SNPH: variants seen among roughly 807,000 people sequenced by gnomAD.
SNPH encodes the protein syntaphilin.
Under a neutral mutation model 36.8 loss-of-function variants are expected in SNPH, and 10 were observed. The ratio of observed to expected loss-of-function variants is 0.27; its 90% CI spans 0.17 to 0.46. SNPH has a LOEUF of 0.46. Among genes scored for constraint, SNPH ranks in the 20% least tolerant of loss-of-function variants. The pLI is 1.00. For synonymous variants in SNPH, 281 were observed against 312.2 expected, an observed-to-expected ratio of 0.90 and a Z score of 1.05; for missense variants, 622 against 744.0, an observed-to-expected ratio of 0.84 and a Z score of 1.91.
Position 1,266,408 on chromosome 20 carries a change from G to A in SNPH, c.-600+11G>A. ...TGGAAGCCTCCGCAGGTGATGACAA[G>A]GACCCCGGGGATCTCCGGGCCCACC... is the stretch of plus-strand genomic sequence containing the variant. On this transcript the variant is annotated intron_variant, in intron 1 of 6. Transcript: ENST00000381867. This position sits in a 1 kb window ranked among gnomAD's most constrained non-coding sequence, Gnocchi z 6.0. The A allele has an allele frequency of 2.2e-6, 1 of 444,588 alleles. No homozygotes were observed. 27.5% of individuals were successfully genotyped at this position (444,588 alleles called of 1,614,324 possible).
chr20:1,292,217 T>C (rs946405682), intron 2 of SNPH, among the ~76,000 whole-genome samples: 2 of 152,172 alleles, frequency 1.3e-5, no homozygotes, highest in African/African-American at 4.8e-5. Flanking sequence ...GAGAAGTCAC[T>C]GGTGGAAAGG....
chr20:1,297,792 A>G (rs1395617465), intron 5 of SNPH, among the ~76,000 whole-genome samples: 1 of 152,344 alleles, frequency 6.6e-6, no homozygotes, highest in Admixed American at 6.5e-5. Flanking sequence ...TGTCTTCCCC[A>G]CAACAGTACC....
At chr20:1,274,348 T>C (rs1030528334) in intron 2 of SNPH, among the ~76,000 whole-genome samples, 1 of 150,648 alleles carries the variant, frequency 6.6e-6, no homozygotes, top group Non-Finnish European at 1.5e-5. Flanking sequence ...GTTCAAGGGA[T>C]GAAAGGGAGA....
At chr20:1,277,831 CTG>C (rs1178998068) in intron 2 of SNPH, among the ~76,000 whole-genome samples, 4 of 110,562 alleles carry the variant, frequency 3.6e-5, no homozygotes, top group African/African-American at 1.1e-4. Flanking sequence ...GTCTGTGTAT[CTG>C]TGTGTGTCAG....
At chr20:1,297,420 T>A (rs1453711070) in intron 5 of SNPH, among the ~76,000 whole-genome samples, 168 bp downstream of exon 5, 1 of 152,250 alleles carries the variant, frequency 6.6e-6, no homozygotes, top group Non-Finnish European at 1.5e-5. Flanking sequence ...CCTCAGTTCC[T>A]GTCTGTAAGA....
In SNPH at chr20:1,302,780, G is replaced by A; in HGVS notation, c.440+2069G>A. Among the ~76,000 whole-genome samples the A allele has an allele frequency of 1.3e-5, 2 of 152,246 alleles. 1 individual carries two copies. The highest frequency in any genetic ancestry group is 2.9e-5 in the Non-Finnish European group (2 of 68,044). ...ACAGCTCTGCCAAGCAGCCAATCCG[G>A]TTTGGATTTGTTGTGGTTTTAAACT... On this transcript the variant is annotated intron_variant, in intron 6 of 6. Coordinates refer to ENST00000381867, the MANE Select transcript of SNPH (RefSeq NM_001318234.2).
At chr20:1,281,101 G>T (rs540530968) in intron 2 of SNPH, among the ~76,000 whole-genome samples, 1 of 152,158 alleles carries the variant, frequency 6.6e-6, no homozygotes, top group Non-Finnish European at 1.5e-5. Context: ...AGTAGGCAGC[G>T]AAGCTAACCC....
chr20:1,277,411 C>T (rs921344622), intron 2 of SNPH, among the ~76,000 whole-genome samples: 2 of 150,492 alleles, frequency 1.3e-5, no homozygotes, highest in African/African-American at 4.9e-5. Context: ...GTGTGTATGT[C>T]TGTGTCTGTG....
At chr20:1,296,875 T>C (rs2088442441) in intron 4 of SNPH, among the ~76,000 whole-genome samples, 1 of 152,212 alleles carries the variant, frequency 6.6e-6, no homozygotes. Flanking sequence ...GATAAGAGCA[T>C]ATGAGGCCCC....
chr20:1,276,204 G>A lies in SNPH; in HGVS notation c.-493+9444G>A, dbSNP rs561149300. ...ACTGTCTGTGGCTTCCTTCTGGAGA[G>A]CCCCTTCCCCCTCCACAGGAGGGGG... is the stretch of plus-strand genomic sequence containing the variant. On this transcript the variant is annotated intron_variant, in intron 2 of 6. Transcript: ENST00000381867. The surrounding 1 kb of genome is among the most constrained non-coding windows in gnomAD (Gnocchi z 4.6). Among the ~76,000 whole-genome samples the A allele has an allele frequency of 6.6e-6, 1 of 151,990 alleles. No individual in the cohort carries two copies. The highest frequency in any genetic ancestry group is 1.5e-5 in the Non-Finnish European group (1 of 67,960).
At chr20:1,299,483 G>A (rs1292207005) in intron 5 of SNPH, among the ~76,000 whole-genome samples, 1 of 152,248 alleles carries the variant, frequency 6.6e-6, no homozygotes, top group Admixed American at 6.5e-5. Flanking sequence ...GCCATAGTCT[G>A]TTGTGGAATT....
chr20:1,279,104 T>C (rs187596145), intron 2 of SNPH, among the ~76,000 whole-genome samples: 2 of 152,364 alleles, frequency 1.3e-5, no homozygotes, highest in East Asian at 3.9e-4. Context: ...AATGGTTGTA[T>C]CATTTGGTAA....
chr20:1,296,454 C>A, intron 4 of SNPH, 33 bp downstream of exon 4: 1 of 1,568,280 alleles, frequency 6.4e-7, no homozygotes, highest in South Asian at 1.2e-5. Context: ...GCCTAGGCTT[C>A]GGAGGGCGGG....
rs1337819322 is a variant in SNPH at position 1,294,939 on chromosome 20, A to C, written c.-492-12A>C. On this transcript the variant is annotated splice_polypyrimidine_tract_variant and intron_variant, in intron 2 of 6. Coordinates refer to ENST00000381867, the MANE Select transcript of SNPH (RefSeq NM_001318234.2). The surrounding 1 kb of genome is among the most constrained non-coding windows in gnomAD (Gnocchi z 4.4). ...TCTGTAAAAGGGGACTAATCACAGC[A>C]CTTCCTCATAGGGTTGTTGAGAGGA... 1 of 152,234 alleles carries C rather than the reference A, an allele frequency of 6.6e-6. No individual in the cohort carries two copies. Among genetic ancestry groups the C allele is most frequent in the East Asian group, 1.9e-4 (1 of 5,134 alleles). 9.4% of individuals were successfully genotyped at this position (152,234 alleles called of 1,614,324 possible).
rs1222053656 is a variant in SNPH, at chr20:1,288,837, G to A, written c.-492-6114G>A. Among the ~76,000 whole-genome samples the A allele has an allele frequency of 3.9e-5, 6 of 152,044 alleles. No individual in the cohort carries two copies. In the East Asian group the frequency reaches 1.2e-3, roughly 29 times the overall value. ...GGTTTTTGCCATGTTGGCCAGGCTG[G>A]TCTTGAAATCCTGACCTCAGGTGAT... is the stretch of plus-strand genomic sequence containing the variant. On this transcript the variant is annotated intron_variant, in intron 2 of 6. Coordinates refer to ENST00000381867, the MANE Select transcript of SNPH (RefSeq NM_001318234.2).
chr20:1,280,693 C>T (rs1368329637), intron 2 of SNPH, among the ~76,000 whole-genome samples: 1 of 152,134 alleles, frequency 6.6e-6, no homozygotes, highest in East Asian at 1.9e-4. Flanking sequence ...CAGGCTTTGT[C>T]CCAAGAGAGT....
rs761822931 is a variant in SNPH, at chr20:1,300,697, C to A, written c.426C>A (p.Asp142Glu). ...HLKARLKDTQ[D>E]RLQDRDTEID... ...AAGCCCGGCTGAAGGACACACAGGA[C>A]CGGCTCCAGGACCGGTGAGCGGGTG... The change falls in exon 6 of 7, where the codon GAC (aspartate) becomes GAA (glutamate). Residue 142 changes from aspartate (D) to glutamate (E), a missense_variant. Asp to Glu is a conservative substitution (Grantham distance 45). Around this residue, in one of 3 missense-constraint regions of SNPH, gnomAD observed 187 missense variants for 209.4 expected, o/e 0.89. Transcript: ENST00000381867. 6.2e-6 allele frequency: 10 copies of A among 1,611,438 alleles called. No individual in the cohort carries two copies. The highest frequency in any genetic ancestry group is 8.5e-6 in the Non-Finnish European group (10 of 1,179,726).
chr20:1,270,355 G>T (rs1568536577), intron 2 of SNPH, among the ~76,000 whole-genome samples: 1 of 151,994 alleles, frequency 6.6e-6, no homozygotes, highest in Non-Finnish European at 1.5e-5. Flanking sequence ...ACTGATATGT[G>T]TGTGATGGGG....
chr20:1,275,921 T>C (rs2088125867), intron 2 of SNPH, among the ~76,000 whole-genome samples: 1 of 152,232 alleles, frequency 6.6e-6, no homozygotes, highest in African/African-American at 2.4e-5. Flanking sequence ...TGAAATTTTC[T>C]TCCTACTACT....
Sources: gnomAD v4.1 joint callset for allele counts (sites outside exome capture counted in the v4.1 genomes callset) on GRCh38, gnomAD v4.1.1 for gene constraint, gnomAD v4.1.1 regional missense constraint, Gnocchi (gnomAD v3.1) non-coding constraint, MANE v1.5 for transcripts, NCBI Gene and HGNC (gene_info 2026-07-23, HGNC 2026-07-21) for gene names.